ZC3H7A: variants seen among roughly 807,000 people sequenced by gnomAD.
ZC3H7A encodes the protein zinc finger CCCH-type containing 7A, also known as zinc finger CCCH domain-containing protein 7A.
In ZC3H7A, 44 loss-of-function variants were observed where a neutral mutation model predicts 125.5. That is an observed-to-expected ratio of 0.35 (90% CI 0.28 to 0.45). The LOEUF (loss-of-function observed/expected upper bound fraction) is 0.45, where lower values mean the gene tolerates loss of function less well. ZC3H7A is among the 20% of genes least tolerant of loss of function. The pLI is 1.00. For synonymous variants in ZC3H7A, 399 were observed against 391.2 expected, an observed-to-expected ratio of 1.02 and a Z score of -0.23; for missense variants, 977 against 1,170.7, an observed-to-expected ratio of 0.83 and a Z score of 2.41.
chr16:11,774,884 C>T, intron 8 of ZC3H7A, 96 bp downstream of exon 8: 1 of 1,360,286 alleles, frequency 7.4e-7, no homozygotes, highest in East Asian at 2.3e-5. Flanking sequence ...TGAATATAAC[C>T]ACACAGCGAT....
chr16:11,793,964 A>G (rs1341416665), intron 1 of ZC3H7A, among the ~76,000 whole-genome samples: 1 of 152,210 alleles, frequency 6.6e-6, no homozygotes, highest in Non-Finnish European at 1.5e-5. Flanking sequence ...TAAGATACAA[A>G]GTCTGTGAAG....
chr16:11,768,426 T>C lies in ZC3H7A; in HGVS notation c.1249A>G (p.Asn417Asp), dbSNP rs569109628. The change falls in exon 12 of 23, where the codon AAC becomes GAC. Residue 417 changes from asparagine (N) to aspartate (D), a missense_variant. Physicochemically the swap from Asn to Asp is conservative, Grantham distance 23 (BLOSUM62 1). Coordinates refer to ENST00000355758, the MANE Select transcript of ZC3H7A (RefSeq NM_014153.4). Reference sequence around the variant, plus strand: ...TTGGTAACTGCACTTCCAAAAAAGTTTCCAAAGTCATTTCTAGGCTGACTT... The same window carrying C: ...TTGGTAACTGCACTTCCAAAAAAGTCTCCAAAGTCATTTCTAGGCTGACTT... Reference protein sequence around the residue: ...ISSQPRNDFGNFFGSAVTKPS... With the variant: ...ISSQPRNDFGDFFGSAVTKPS... The C allele has an allele frequency of 2.5e-6, 4 of 1,592,024 alleles. No homozygotes were observed. Among genetic ancestry groups the C allele is most frequent in the Non-Finnish European group, 3.4e-6 (4 of 1,165,466 alleles).
At chr16:11,783,251 A>G (rs921448018) in intron 1 of ZC3H7A, among the ~76,000 whole-genome samples, 1 of 152,186 alleles carries the variant, frequency 6.6e-6, no homozygotes, top group South Asian at 2.1e-4. Flanking sequence ...AATGATATAA[A>G]GTTACTTCCA....
intron 22 of ZC3H7A, 66 bp from the exon 23 acceptor site, chr16:11,751,572 T>C: frequency 6.7e-7 from 1 of 1,485,920 alleles, no homozygotes; most frequent in East Asian, 2.3e-5. Context: ...TCATGATTCT[T>C]GAAACTGTAT....
At chr16:11,764,375 CCT>C (rs1342181409) in intron 15 of ZC3H7A, among the ~76,000 whole-genome samples, 1 of 152,042 alleles carries the variant, frequency 6.6e-6, no homozygotes, top group Non-Finnish European at 1.5e-5. Context: ...ATGGTAAAAC[CCT>C]GTCTCTACTA....
At chr16:11,753,327 G>C (rs1479990544) in intron 21 of ZC3H7A, among the ~76,000 whole-genome samples, 1 of 152,242 alleles carries the variant, frequency 6.6e-6, no homozygotes, top group Non-Finnish European at 1.5e-5. Flanking sequence ...TGCTACAACA[G>C]ATGCAAACTA....
At chr16:11,769,704 C>T (rs1393360249) in intron 10 of ZC3H7A, among the ~76,000 whole-genome samples, 2 of 29,678 alleles carry the variant, frequency 6.7e-5, no homozygotes, top group Admixed American at 3.6e-4. Context: ...GAGTGAGACT[C>T]TGTCTCAAAA....
At chr16:11,786,483 T>C (rs2053258693) in intron 1 of ZC3H7A, among the ~76,000 whole-genome samples, 1 of 152,222 alleles carries the variant, frequency 6.6e-6, no homozygotes, top group Non-Finnish European at 1.5e-5. Flanking sequence ...GCCAAGTTTA[T>C]AGCCTTAAAG....
At chr16:11,773,787 G>A (rs1377652262) in intron 9 of ZC3H7A, among the ~76,000 whole-genome samples, 2 of 151,816 alleles carry the variant, frequency 1.3e-5, no homozygotes, top group Non-Finnish European at 2.9e-5. Context: ...GGAAGCTGAG[G>A]CAGGAGAATG....
At position 11,776,850 on chromosome 16, in the gene ZC3H7A, G is replaced by A. The variant is rs754184575; in HGVS notation, c.366C>T (p.Asn122=). 5.0e-6 allele frequency: 8 copies of A among 1,613,710 alleles called. No individual in the cohort carries two copies. Among genetic ancestry groups the A allele is most frequent in the Admixed American group, 1.7e-5 (1 of 59,920 alleles). ...TAGATTTCCGATACAGAGCTTTGCA[G>A]TTACTGGCATTTAAACTGAGGACTA... The part of the protein sequence containing the change: ...CNIVLSLNAS[N]CKALYRKSKA... The change falls in exon 5 of 23, where the codon AAC becomes AAT. Residue 122 remains asparagine, a synonymous_variant. Coordinates refer to ENST00000355758, the MANE Select transcript of ZC3H7A (RefSeq NM_014153.4).
chr16:11,786,420 G>C (rs2141215519), intron 1 of ZC3H7A, among the ~76,000 whole-genome samples: 1 of 152,132 alleles, frequency 6.6e-6, no homozygotes, highest in East Asian at 1.9e-4. Context: ...GTTTGAGGTT[G>C]ACTCAAAAAG....
At chr16:11,755,104 G>A (rs983203341) in intron 21 of ZC3H7A, among the ~76,000 whole-genome samples, 13 of 151,100 alleles carry the variant, frequency 8.6e-5, no homozygotes, top group African/African-American at 3.2e-4. Flanking sequence ...TTGCTATTTA[G>A]AAGGCTGAGG....
intron 1 of ZC3H7A, among the ~76,000 whole-genome samples, chr16:11,795,513 T>C (rs2053422826): frequency 6.6e-6 from 1 of 152,232 alleles, no homozygotes; most frequent in African/African-American, 2.4e-5. Context: ...CTCGGCTCAC[T>C]GCAACCTCTG....
chr16:11,789,338 T>A (rs2053312979), intron 1 of ZC3H7A, among the ~76,000 whole-genome samples: 1 of 152,062 alleles, frequency 6.6e-6, no homozygotes, highest in African/African-American at 2.4e-5. Flanking sequence ...ATCTCCAGCC[T>A]CCGCTTCCTG....
At chr16:11,774,115 G>C (rs1173266863) in intron 9 of ZC3H7A, 121 bp downstream of exon 9, 6 of 959,194 alleles carry the variant, frequency 6.3e-6, no homozygotes, top group Non-Finnish European at 1.4e-6. Flanking sequence ...TAACTTTCAA[G>C]GTTAAAAAAA....
At chr16:11,786,711 C>T (rs1269123887) in intron 1 of ZC3H7A, among the ~76,000 whole-genome samples, 2 of 152,098 alleles carry the variant, frequency 1.3e-5, no homozygotes, top group African/African-American at 4.8e-5. Flanking sequence ...ATTTCATGTT[C>T]AGTAGTTTTT....
At chr16:11,786,625 C>T (rs967923017) in intron 1 of ZC3H7A, among the ~76,000 whole-genome samples, 9 of 152,234 alleles carry the variant, frequency 5.9e-5, no homozygotes, top group Admixed American at 5.2e-4. Flanking sequence ...TTTTAATGCA[C>T]AAAATACACC....
In ZC3H7A at chr16:11,776,491, T is replaced by C. The variant is rs769026289; in HGVS notation, c.507A>G (p.Lys169=). The C allele has an allele frequency of 1.2e-6, 2 of 1,612,086 alleles. No individual in the cohort carries two copies. Among genetic ancestry groups the C allele is most frequent in the Non-Finnish European group, 8.5e-7 (1 of 1,179,490 alleles). The change falls in exon 6 of 23, where the codon AAA becomes AAG. Residue 169 remains lysine, a synonymous_variant. Coordinates refer to ENST00000355758, the MANE Select transcript of ZC3H7A (RefSeq NM_014153.4). ...VIKLTQELAQ[K]LGFKIRKAYV... ...ACGCTTTTCTTATTTTAAATCCCAA[T>C]TTCTGAGCTAGTTCTTGAGTTAGTT...
At chr16:11,783,835 A>G (rs1402074869) in intron 1 of ZC3H7A, among the ~76,000 whole-genome samples, 1 of 152,198 alleles carries the variant, frequency 6.6e-6, no homozygotes, top group Non-Finnish European at 1.5e-5. Context: ...CCAAATGCTG[A>G]TAACTGGTGC....
Sources: gnomAD v4.1 joint callset for allele counts (sites outside exome capture counted in the v4.1 genomes callset) on GRCh38, gnomAD v4.1.1 for gene constraint, MANE v1.5 for transcripts, NCBI Gene and HGNC (gene_info 2026-07-23, HGNC 2026-07-21) for gene names.